The following PPFIA2 variants were observed in gnomAD, a reference collection of about 807,000 sequenced individuals.
The protein encoded by PPFIA2 is PPFI scaffold protein A2, also known as liprin-alpha-2.
A neutral mutation model predicts 175.5 loss-of-function variants in PPFIA2; 46 were observed. That is an observed-to-expected ratio of 0.26 (90% CI 0.21 to 0.34). PPFIA2 has a LOEUF of 0.34. Ranked by LOEUF, PPFIA2 falls within the 10% of genes least tolerant of loss-of-function variation. The pLI is 1.00. For missense variants in PPFIA2, 1,179 were observed against 1,506.1 expected (o/e 0.78, Z 3.60); for synonymous variants, 568 against 511.4 (o/e 1.11, Z -1.49).
At chr12:81,558,765 T>C (rs1176829172) in intron 4 of PPFIA2, among the ~76,000 whole-genome samples, 1 of 152,158 alleles carries the variant, frequency 6.6e-6, no homozygotes, top group African/African-American at 2.4e-5. Context: ...AAAAAGGGAT[T>C]ACTACTTTCT....
intron 3 of PPFIA2, among the ~76,000 whole-genome samples, chr12:81,722,572 T>C (rs1348733238): frequency 6.6e-6 from 1 of 151,010 alleles, no homozygotes; most frequent in Admixed American, 6.6e-5. Context: ...CCAGGAGAGA[T>C]AGGAGATAGG....
At chr12:81,555,540 C>T (rs80051129) in intron 4 of PPFIA2, among the ~76,000 whole-genome samples, 19,768 of 151,832 alleles carry the variant, frequency 0.13, 1,341 homozygotes, top group Middle Eastern at 0.19. Context: ...TAAATCTTAA[C>T]AGGCACAATT....
chr12:81,555,389 C>T (rs537156214), intron 4 of PPFIA2, among the ~76,000 whole-genome samples: 32 of 151,914 alleles, frequency 2.1e-4, no homozygotes, highest in African/African-American at 7.0e-4. Context: ...GTGTATAAAA[C>T]GTCTTCACTG....
chr12:81,471,694 A>G (rs1045231211), intron 4 of PPFIA2, among the ~76,000 whole-genome samples: 1 of 151,902 alleles, frequency 6.6e-6, no homozygotes, highest in Non-Finnish European at 1.5e-5. Flanking sequence ...TGCTCATCTT[A>G]TTTTTAATTT....
intron 3 of PPFIA2, among the ~76,000 whole-genome samples, chr12:81,677,292 A>G: frequency 6.6e-6 from 1 of 152,016 alleles, no homozygotes; most frequent in South Asian, 2.1e-4. Context: ...TTTGATGTGT[A>G]ATAATCAAAT....
intron 5 of PPFIA2, among the ~76,000 whole-genome samples, chr12:81,450,688 G>C (rs558931225): frequency 2.6e-5 from 4 of 152,138 alleles, no homozygotes; most frequent in Admixed American, 6.6e-5. Flanking sequence ...CATTGCTTTT[G>C]GTGTTTTAGA....
chr12:81,493,779 T>C (rs2059699300), intron 4 of PPFIA2, among the ~76,000 whole-genome samples: 1 of 140,346 alleles, frequency 7.1e-6, no homozygotes, highest in South Asian at 2.2e-4. Context: ...TATATATATA[T>C]ATATATATAC....
In PPFIA2 at chr12:81,561,572, GC is replaced by G. The variant is rs1001386336; in HGVS notation, c.304-103707del. ...TGTTAGAAAAACTCCTGTCCAAAGG[GC>G]TCATATAGCTATCTTCCTATTACTT... On this transcript the variant is annotated intron_variant, in intron 4 of 32. Coordinates refer to ENST00000549396, the MANE Select transcript of PPFIA2 (RefSeq NM_003625.5). Among the ~76,000 whole-genome samples, 133 of 152,214 alleles carry G rather than the reference GC, an allele frequency of 8.7e-4. 1 individual carries two copies. The highest frequency in any genetic ancestry group is 3.1e-3 in the African/African-American group (128 of 41,540).
chr12:81,677,529 C>T (rs935320824), intron 3 of PPFIA2, among the ~76,000 whole-genome samples: 2 of 151,884 alleles, frequency 1.3e-5, no homozygotes, highest in Non-Finnish European at 2.9e-5. Context: ...GTGGTAACCA[C>T]CATTCTATTC....
chr12:81,600,276 G>T (rs2059657311), intron 4 of PPFIA2, among the ~76,000 whole-genome samples: 1 of 151,660 alleles, frequency 6.6e-6, no homozygotes, highest in African/African-American at 2.4e-5. Flanking sequence ...TTACACTCTG[G>T]TTTGAAATTT....
At chr12:81,356,868 C>T (rs1160261802) in intron 16 of PPFIA2, among the ~76,000 whole-genome samples, 1 of 152,000 alleles carries the variant, frequency 6.6e-6, no homozygotes, top group Non-Finnish European at 1.5e-5. Context: ...ACAAGGTATA[C>T]CTGTAATTTT....
intron 15 of PPFIA2, among the ~76,000 whole-genome samples, chr12:81,361,797 A>G (rs2030533456): frequency 6.6e-6 from 1 of 151,534 alleles, no homozygotes; most frequent in Non-Finnish European, 1.5e-5. Flanking sequence ...CATAACACCA[A>G]GAAAGATGAA....
chr12:81,618,332 T>C lies in PPFIA2; in HGVS notation c.303+58459A>G, dbSNP rs543270744. On this transcript the variant is annotated intron_variant, in intron 4 of 32. Coordinates refer to ENST00000549396, the MANE Select transcript of PPFIA2 (RefSeq NM_003625.5). ...TCTGTTTTATTAACTGTTTCATTCC[T>C]AGTATGTAGGAACAGTTTGGCATAG... Among the ~76,000 whole-genome samples, 3 of 152,066 alleles carry C rather than the reference T, an allele frequency of 2.0e-5. No individual in the cohort carries two copies. The East Asian group carries it at 5.8e-4, about 29-fold the overall frequency.
At chr12:81,349,262 T>C (rs1172117608) in intron 17 of PPFIA2, among the ~76,000 whole-genome samples, 1 of 152,196 alleles carries the variant, frequency 6.6e-6, no homozygotes, top group Non-Finnish European at 1.5e-5. Context: ...TTGGAATAAG[T>C]GATCTTTGTG....
chr12:81,636,040 C>T (rs998722126), intron 4 of PPFIA2, among the ~76,000 whole-genome samples: 2 of 152,048 alleles, frequency 1.3e-5, no homozygotes, highest in Admixed American at 6.6e-5. Context: ...ACTTAGATTT[C>T]TATGTTTTTT....
chr12:81,389,463 C>CT (rs899285484), intron 8 of PPFIA2, among the ~76,000 whole-genome samples: 2 of 151,972 alleles, frequency 1.3e-5, no homozygotes, highest in African/African-American at 4.8e-5. Context: ...ACTGCATAGT[C>CT]TTTATGCTAC....
At chr12:81,648,388 A>G (rs948240955) in intron 4 of PPFIA2, among the ~76,000 whole-genome samples, 1 of 152,040 alleles carries the variant, frequency 6.6e-6, no homozygotes, top group African/African-American at 2.4e-5. Flanking sequence ...GTATACAGTA[A>G]GATTGCATGA....
chr12:81,520,835 G>C (rs1310001611), intron 4 of PPFIA2, among the ~76,000 whole-genome samples: 5 of 152,198 alleles, frequency 3.3e-5, no homozygotes, highest in Non-Finnish European at 7.3e-5. Context: ...CAGTGCATGT[G>C]TCAAGAGGAG....
chr12:81,323,814 T>C (rs1239393273), intron 22 of PPFIA2, among the ~76,000 whole-genome samples: 1 of 152,054 alleles, frequency 6.6e-6, no homozygotes, highest in African/African-American at 2.4e-5. Context: ...GAATAGGTGT[T>C]AACAATTATT....
Sources: gnomAD v4.1 joint callset for allele counts (sites outside exome capture counted in the v4.1 genomes callset) on GRCh38, gnomAD v4.1.1 for gene constraint, MANE v1.5 for transcripts, NCBI Gene and HGNC (gene_info 2026-07-23, HGNC 2026-07-21) for gene names.